NOL4: variants seen among roughly 807,000 people sequenced by gnomAD.
NOL4 encodes nucleolar protein 4.
A neutral mutation model predicts 75.9 loss-of-function variants in NOL4; 17 were observed. The observed-to-expected ratio is 0.22, with a 90% CI of 0.15 to 0.34. The LOEUF is 0.34. Ranked by LOEUF, NOL4 falls within the 10% of genes least tolerant of loss-of-function variation. The pLI is 1.00. For synonymous variants in NOL4, 292 were observed against 289.9 expected (o/e 1.01, Z -0.07); for missense variants, 614 against 793.5 (o/e 0.77, Z 2.72).
intron 5 of NOL4, among the ~76,000 whole-genome samples, chr18:34,063,630 C>A (rs2077151848): frequency 6.6e-6 from 1 of 152,036 alleles, no homozygotes. Flanking sequence ...GCTTTCCTAT[C>A]TGTTAAGTGA....
intron 6 of NOL4, among the ~76,000 whole-genome samples, chr18:33,964,400 G>A (rs1568136462): frequency 6.6e-6 from 1 of 150,888 alleles, no homozygotes; most frequent in Non-Finnish European, 1.5e-5. Context: ...ATTATATGAA[G>A]CACATGGCAC....
intron 9 of NOL4, among the ~76,000 whole-genome samples, chr18:33,893,475 G>C (rs774174978): frequency 6.6e-5 from 10 of 152,116 alleles, no homozygotes; most frequent in African/African-American, 2.2e-4. Flanking sequence ...CAGTACCTTT[G>C]ATAGACATGT....
chr18:34,092,027 C>T (rs2078545739), intron 5 of NOL4, among the ~76,000 whole-genome samples: 2 of 151,824 alleles, frequency 1.3e-5, no homozygotes, highest in African/African-American at 4.8e-5. Flanking sequence ...ACATCCTCTA[C>T]ATTCTCTATA....
At chr18:34,048,271 C>T (rs1174792556) in intron 5 of NOL4, among the ~76,000 whole-genome samples, 1 of 152,102 alleles carries the variant, frequency 6.6e-6, no homozygotes, top group Non-Finnish European at 1.5e-5. Flanking sequence ...TAAAATTTTT[C>T]CTCAAGTTTC....
chr18:34,086,179 C>A (rs1029177597), intron 5 of NOL4, among the ~76,000 whole-genome samples: 11 of 152,178 alleles, frequency 7.2e-5, no homozygotes, highest in African/African-American at 2.6e-4. Context: ...AGCATTGTAT[C>A]ATTTTTAGGT....
chr18:34,126,599 C>T (rs1467555502), intron 2 of NOL4, among the ~76,000 whole-genome samples: 2 of 151,844 alleles, frequency 1.3e-5, no homozygotes, highest in Non-Finnish European at 2.9e-5. Context: ...TTGATTAGTC[C>T]CTAATTTAAG....
intron 1 of NOL4, among the ~76,000 whole-genome samples, chr18:34,173,655 T>G (rs1227552783): frequency 2.0e-5 from 3 of 152,200 alleles, no homozygotes; most frequent in Non-Finnish European, 2.9e-5. Flanking sequence ...AAGAATATTT[T>G]TAAAGTATCT....
intron 1 of NOL4, among the ~76,000 whole-genome samples, chr18:34,141,871 GA>G (rs2081182625): frequency 6.6e-6 from 1 of 152,068 alleles, no homozygotes; most frequent in South Asian, 2.1e-4. Context: ...CACAGCAAAA[GA>G]AACTACCATC....
At chr18:34,009,582 A>G (rs1444515331) in intron 6 of NOL4, among the ~76,000 whole-genome samples, 1 of 151,886 alleles carries the variant, frequency 6.6e-6, no homozygotes, top group African/African-American at 2.4e-5. Flanking sequence ...GTTAAGAATT[A>G]TTATCATCAT....
intron 8 of NOL4, among the ~76,000 whole-genome samples, chr18:33,954,003 T>C (rs1433536873): frequency 6.6e-6 from 1 of 152,124 alleles, no homozygotes; most frequent in African/African-American, 2.4e-5. Context: ...GCAAAGGTGG[T>C]CATGTGATCT....
chr18:34,019,110 C>T (rs11081836), intron 6 of NOL4, among the ~76,000 whole-genome samples: 3,530 of 152,212 alleles, frequency 0.023, 57 homozygotes, highest in Non-Finnish European at 0.037. Context: ...ACACCCACAG[C>T]TTTGAGACAC....
At chr18:34,025,247 A>T (rs1443264365) in intron 5 of NOL4, among the ~76,000 whole-genome samples, 1 of 152,190 alleles carries the variant, frequency 6.6e-6, no homozygotes, top group Non-Finnish European at 1.5e-5. Flanking sequence ...TCTTGCCCAA[A>T]GAATTAAAGG....
intron 1 of NOL4, chr18:34,222,407 C>T: frequency 8.8e-7 from 1 of 1,140,074 alleles, no homozygotes; most frequent in Non-Finnish European, 1.1e-6. Flanking sequence ...CGGCAACGAT[C>T]TCTGGGAGTG....
At chr18:34,144,351 C>T (rs952446478) in intron 1 of NOL4, among the ~76,000 whole-genome samples, 3 of 152,052 alleles carry the variant, frequency 2.0e-5, no homozygotes, top group Non-Finnish European at 4.4e-5. Context: ...ATGACAGATT[C>T]ACTGAATTCA....
intron 5 of NOL4, among the ~76,000 whole-genome samples, chr18:34,062,822 A>C (rs2077121360): frequency 6.6e-6 from 1 of 152,124 alleles, no homozygotes; most frequent in African/African-American, 2.4e-5. Context: ...TTCATATAAG[A>C]AACTATCTAT....
At chr18:33,913,334 T>C (rs2066520189) in intron 9 of NOL4, among the ~76,000 whole-genome samples, 1 of 152,160 alleles carries the variant, frequency 6.6e-6, no homozygotes. Context: ...ACAAAGGGGA[T>C]AGGGCTTAGG....
chr18:33,855,002 G>C (rs1011500957), intron 10 of NOL4, among the ~76,000 whole-genome samples: 3 of 151,958 alleles, frequency 2.0e-5, no homozygotes, highest in Admixed American at 2.0e-4. Flanking sequence ...AGAAAGCTCT[G>C]CCATTTAGAG....
chr18:34,146,950 G>T (rs2081425946), intron 1 of NOL4, among the ~76,000 whole-genome samples: 1 of 151,982 alleles, frequency 6.6e-6, no homozygotes, highest in Non-Finnish European at 1.5e-5. Flanking sequence ...TTGTAAGTTG[G>T]ATTCCTAGGT....
intron 1 of NOL4, among the ~76,000 whole-genome samples, chr18:34,132,065 A>G (rs555747916): frequency 6.6e-6 from 1 of 152,330 alleles, no homozygotes; most frequent in Non-Finnish European, 1.5e-5. Context: ...TCTAGGAGAG[A>G]ACCCATTCTT....
Sources: gnomAD v4.1 joint callset for allele counts (sites outside exome capture counted in the v4.1 genomes callset) on GRCh38, gnomAD v4.1.1 for gene constraint, MANE v1.5 for transcripts, NCBI Gene and HGNC (gene_info 2026-07-23, HGNC 2026-07-21) for gene names.